The following ANKRD11 variants were observed in gnomAD, a reference collection of about 807,000 sequenced individuals.
The protein encoded by ANKRD11 is ankyrin repeat domain 11, also known as ankyrin repeat domain-containing protein 11.
In ANKRD11, 17 loss-of-function variants were observed where a neutral mutation model predicts 195.7. The observed-to-expected ratio is 0.09, with a 90% CI of 0.06 to 0.13. ANKRD11 has a LOEUF of 0.13. Ranked by LOEUF, ANKRD11 falls within the 10% of genes least tolerant of loss-of-function variation. The probability of loss-of-function intolerance (pLI) is 1.00; values close to 1 mark genes in which losing one functional copy is unlikely to be tolerated. For synonymous variants in ANKRD11, 1,953 were observed against 1,528.1 expected (o/e 1.28, Z -6.49); for missense variants, 3,735 against 3,566.1 (o/e 1.05, Z -1.21).
At chr16:89,488,752 TCAA>T (rs2057704945) in intron 1 of ANKRD11, among the ~76,000 whole-genome samples, 1 of 152,198 alleles carries the variant, frequency 6.6e-6, no homozygotes. Context: ...GTTTTGCAGT[TCAA>T]CAACTGTGCA....
intron 2 of ANKRD11, among the ~76,000 whole-genome samples, chr16:89,393,318 T>TTA (rs2041281050): frequency 6.6e-6 from 1 of 150,430 alleles, no homozygotes; most frequent in African/African-American, 2.5e-5. Flanking sequence ...ATTTTTATTT[T>TTA]TTTTTTTTTT....
rs992143185 is a variant in ANKRD11, at chr16:89,274,177, C to T, written c.7713+637G>A. 3.3e-5 allele frequency among the ~76,000 whole-genome samples: 5 copies of T among 152,300 alleles called. No individual in the cohort carries two copies. The East Asian group carries it at 5.8e-4, about 18-fold the overall frequency. ...GGAAGAGCTGCCCCAGGGAGAGCCA[C>T]GGGGCCCTGGCCGCCCACATCCTAT... is the stretch of plus-strand genomic sequence containing the variant. On this transcript the variant is annotated intron_variant, in intron 11 of 12. Coordinates refer to ENST00000301030, the MANE Select transcript of ANKRD11 (RefSeq NM_013275.6).
In ANKRD11 at chr16:89,280,161, G is replaced by C. The variant is rs1471416250; in HGVS notation, c.6381C>G (p.Pro2127=). ...AGGGCCCCAGGTCCAGGTCGTCCTC[G>C]GGGCCGGCGAAGGCGTCCGCCCAGG... ...PVPWADAFAG[P]EDDLDLGPFS... The change falls in exon 9 of 13, where the codon CCC becomes CCG. Residue 2127 remains proline, a synonymous_variant. Coordinates refer to ENST00000301030, the MANE Select transcript of ANKRD11 (RefSeq NM_013275.6). 4 of 1,610,142 alleles carry C rather than the reference G, an allele frequency of 2.5e-6. No individual in the cohort carries two copies. Among genetic ancestry groups the C allele is most frequent in the African/African-American group, 2.7e-5 (2 of 74,890 alleles).
chr16:89,268,685 G>A (rs749885956), intron 12 of ANKRD11, 22 bp from the exon 13 acceptor site: 2 of 1,565,538 alleles, frequency 1.3e-6, no homozygotes, highest in Non-Finnish European at 1.7e-6. Flanking sequence ...ACAGCGGGGA[G>A]AGGAGGGAGG....
intron 2 of ANKRD11, among the ~76,000 whole-genome samples, chr16:89,331,116 G>A (rs2151965818): frequency 6.6e-6 from 1 of 152,102 alleles, no homozygotes; most frequent in African/African-American, 2.4e-5. Flanking sequence ...ACCATGCCCG[G>A]CTAATTTTTC....
rs75032755 is a variant in ANKRD11 at position 89,352,286 on chromosome 16, C to G, written c.-59-35208G>C. The stretch of plus-strand genomic sequence containing the variant: ...CCTAAGGACTGGATCTCACAGTGGC[C>G]AGGTATGCATCACGCCACGCGGTGC... On this transcript the variant is annotated intron_variant, in intron 2 of 12. Coordinates refer to ENST00000301030, the MANE Select transcript of ANKRD11 (RefSeq NM_013275.6). 1.8e-3 allele frequency among the ~76,000 whole-genome samples: 268 copies of G among 151,994 alleles called. 2 individuals are homozygous for G. Among genetic ancestry groups the G allele is most frequent in the African/African-American group, 5.7e-3 (238 of 41,444 alleles).
At chr16:89,343,971 C>G (rs2038819397) in intron 2 of ANKRD11, 2 of 152,296 alleles carry the variant, frequency 1.3e-5, no homozygotes. Flanking sequence ...ACGGCCAGCT[C>G]TGACCGACTG....
chr16:89,315,136 T>C (rs1000781577), intron 3 of ANKRD11, among the ~76,000 whole-genome samples: 2 of 152,114 alleles, frequency 1.3e-5, no homozygotes, highest in Non-Finnish European at 2.9e-5. Flanking sequence ...ACACGACCTC[T>C]TTGGGAGCCA....
chr16:89,331,997 A>T (rs944186797), intron 2 of ANKRD11, among the ~76,000 whole-genome samples: 7 of 152,088 alleles, frequency 4.6e-5, no homozygotes, highest in Admixed American at 6.5e-5. Context: ...AAAAAAATTT[A>T]AAAACTCAGT....
intron 2 of ANKRD11, among the ~76,000 whole-genome samples, chr16:89,391,938 GAAGC>G (rs2041217459): frequency 6.6e-6 from 1 of 152,226 alleles, no homozygotes; most frequent in African/African-American, 2.4e-5. Flanking sequence ...TATACTGGTC[GAAGC>G]AAGCATTAGG....
chr16:89,364,373 G>GTATT (rs1322871755), intron 2 of ANKRD11, among the ~76,000 whole-genome samples: 1 of 152,184 alleles, frequency 6.6e-6, no homozygotes, highest in Non-Finnish European at 1.5e-5. Flanking sequence ...AAGACACCAT[G>GTATT]TATTGTCTTA....
At chr16:89,385,929 C>T (rs1006147497) in intron 2 of ANKRD11, among the ~76,000 whole-genome samples, 3 of 152,238 alleles carry the variant, frequency 2.0e-5, no homozygotes, top group African/African-American at 7.2e-5. Flanking sequence ...GGTCACCACA[C>T]GGATGCCAAA....
At chr16:89,366,217 TATCCA>T (rs2039945035) in intron 2 of ANKRD11, among the ~76,000 whole-genome samples, 1 of 152,154 alleles carries the variant, frequency 6.6e-6, no homozygotes, top group Admixed American at 6.5e-5. Context: ...ACATTTTCTT[TATCCA>T]ATCCGTCACT....
intron 1 of ANKRD11, among the ~76,000 whole-genome samples, chr16:89,435,441 T>A (rs2043173515): frequency 6.6e-6 from 1 of 152,164 alleles, no homozygotes; most frequent in Admixed American, 6.5e-5. Flanking sequence ...TTGCTGCTGC[T>A]CACTCTTTGG....
chr16:89,306,252 C>T (rs1175066432), intron 3 of ANKRD11, among the ~76,000 whole-genome samples: 2 of 78,264 alleles, frequency 2.6e-5, no homozygotes, highest in Non-Finnish European at 4.8e-5. Context: ...CCTCCCACTC[C>T]GCAGACACGC....
chr16:89,411,829 A>C lies in ANKRD11; in HGVS notation c.-60+6455T>G, dbSNP rs2152210669. ...GGGAAAAAAAGAGACTAGAATTCTC[A>C]GCAGAACTTGAGGAATCCAATGGCC... On this transcript the variant is annotated intron_variant, in intron 2 of 12. Transcript: ENST00000301030. Among the ~76,000 whole-genome samples, 5 of 152,362 alleles carry C rather than the reference A, an allele frequency of 3.3e-5. No homozygotes were observed. In the Middle Eastern group the frequency reaches 0.017, roughly 518 times the overall value.
At chr16:89,417,431 G>A (rs576004861) in intron 2 of ANKRD11, among the ~76,000 whole-genome samples, 5 of 152,120 alleles carry the variant, frequency 3.3e-5, no homozygotes, top group African/African-American at 4.8e-5. Flanking sequence ...TTCACCATGC[G>A]TCTCTGGAAG....
At chr16:89,436,755 G>C (rs1311551690) in intron 1 of ANKRD11, among the ~76,000 whole-genome samples, 2 of 152,158 alleles carry the variant, frequency 1.3e-5, no homozygotes, top group Non-Finnish European at 2.9e-5. Context: ...CTATATTTTT[G>C]TTTTAATAAA....
At chr16:89,379,204 AG>A (rs1323203211) in intron 2 of ANKRD11, among the ~76,000 whole-genome samples, 3 of 152,210 alleles carry the variant, frequency 2.0e-5, no homozygotes, top group African/African-American at 7.2e-5. Flanking sequence ...CCGGCGGGCT[AG>A]AAGGGGTGCA....
Sources: allele counts gnomAD v4.1 joint callset (sites outside exome capture counted in the v4.1 genomes callset), GRCh38; gene constraint gnomAD v4.1.1; transcripts MANE v1.5; gene names NCBI Gene and HGNC (gene_info 2026-07-23, HGNC 2026-07-21).